ADAMTS2: variants seen among roughly 807,000 people sequenced by gnomAD.
The protein encoded by ADAMTS2 is ADAM metallopeptidase with thrombospondin type 1 motif 2.
In ADAMTS2, 50 loss-of-function variants were observed where a neutral mutation model predicts 123.0. The observed-to-expected ratio is 0.41, with a 90% CI of 0.32 to 0.51. The LOEUF (loss-of-function observed/expected upper bound fraction) is 0.51, where lower values mean the gene tolerates loss of function less well. Ranked by LOEUF, ADAMTS2 falls within the 20% of genes least tolerant of loss-of-function variation. The probability of loss-of-function intolerance (pLI) is 0.35; values close to 1 mark genes in which losing one functional copy is unlikely to be tolerated. For synonymous variants in ADAMTS2, 678 were observed against 695.4 expected (o/e 0.98, Z 0.39); for missense variants, 1,494 against 1,705.2 (o/e 0.88, Z 2.18).
chr5:179,182,412 G>C (rs1413571994), intron 4 of ADAMTS2, among the ~76,000 whole-genome samples: 1 of 152,168 alleles, frequency 6.6e-6, no homozygotes, highest in East Asian at 1.9e-4. Context: ...CACACTCCCT[G>C]CACTCCAATC....
chr5:179,222,015 G>C (rs921431074), intron 3 of ADAMTS2, among the ~76,000 whole-genome samples: 6 of 152,124 alleles, frequency 3.9e-5, no homozygotes, highest in Non-Finnish European at 8.8e-5. Flanking sequence ...CTCAGAGACA[G>C]CACCGAGAGG....
intron 3 of ADAMTS2, among the ~76,000 whole-genome samples, chr5:179,224,123 C>T (rs533873175): frequency 3.9e-5 from 6 of 152,302 alleles, no homozygotes; most frequent in East Asian, 1.9e-4. Context: ...GAGTCTACAT[C>T]GGTTTCCTTC....
At position 179,332,743 on chromosome 5, in the gene ADAMTS2, T is replaced by G. The variant is rs1561759920; in HGVS notation, c.534+11024A>C. Reference sequence around the variant, plus strand: ...GATGGGAGAGGAAGGGAGGGAGGAGTGCAGAGAGGAAGGGAGGGGAAGGAA... The same window carrying G: ...GATGGGAGAGGAAGGGAGGGAGGAGGGCAGAGAGGAAGGGAGGGGAAGGAA... On this transcript the variant is annotated intron_variant, in intron 2 of 21. Transcript: ENST00000251582. The surrounding 1 kb of genome is among the most constrained non-coding windows in gnomAD (Gnocchi z 4.2). Among the ~76,000 whole-genome samples, 49 of 136,994 alleles carry G rather than the reference T, an allele frequency of 3.6e-4. No individual in the cohort carries two copies. Among genetic ancestry groups the G allele is most frequent in the South Asian group, 7.2e-4 (3 of 4,178 alleles). The allele number at this position is 136,994 out of a possible 152,430, so 89.9% of individuals were successfully genotyped here. A position where few individuals can be genotyped will look rare whatever the true frequency, so the allele number is the denominator to read the frequency against.
At chr5:179,183,544 C>A (rs987925699) in intron 4 of ADAMTS2, among the ~76,000 whole-genome samples, 7 of 152,236 alleles carry the variant, frequency 4.6e-5, no homozygotes, top group Admixed American at 1.3e-4. Context: ...CAGGGCCCAA[C>A]TGGTGGCCCA....
At chr5:179,195,528 C>T (rs556544363) in intron 4 of ADAMTS2, among the ~76,000 whole-genome samples, 2 of 152,236 alleles carry the variant, frequency 1.3e-5, no homozygotes, top group Non-Finnish European at 2.9e-5. Flanking sequence ...CATGGAAGAG[C>T]GAGCTGGCAG....
In ADAMTS2 at chr5:179,117,892, G is replaced by A. The variant is rs1011828395; in HGVS notation, c.3179-3568C>T. ...CTATAAAGGCAGAGCTGAGTCCTGT[G>A]ACAGAGACCATGTGGGCTCCAATGC... On this transcript the variant is annotated intron_variant, in intron 21 of 21. Coordinates refer to ENST00000251582, the MANE Select transcript of ADAMTS2 (RefSeq NM_014244.5). This position sits in a 1 kb window ranked among gnomAD's most constrained non-coding sequence, Gnocchi z 4.2. 2.0e-5 allele frequency among the ~76,000 whole-genome samples: 3 copies of A among 152,178 alleles called. No homozygotes were observed. The highest frequency in any genetic ancestry group is 7.2e-5 in the African/African-American group (3 of 41,442).
chr5:179,288,929 A>C (rs1255746725), intron 2 of ADAMTS2, among the ~76,000 whole-genome samples: 1 of 152,224 alleles, frequency 6.6e-6, no homozygotes, highest in Non-Finnish European at 1.5e-5. Context: ...ACGGCACGGC[A>C]TCCATACCGC....
chr5:179,173,755 C>T (rs571205227), intron 5 of ADAMTS2, among the ~76,000 whole-genome samples: 1 of 152,166 alleles, frequency 6.6e-6, no homozygotes, highest in South Asian at 2.1e-4. Context: ...TGGCTCGCGC[C>T]CCATAACCCC....
chr5:179,238,464 G>T (rs1765583855), intron 3 of ADAMTS2, among the ~76,000 whole-genome samples: 1 of 152,154 alleles, frequency 6.6e-6, no homozygotes, highest in Non-Finnish European at 1.5e-5. Flanking sequence ...GGGCTGGAGG[G>T]CACAGGGTCT....
chr5:179,184,509 T>TAA (rs554713153), intron 4 of ADAMTS2, among the ~76,000 whole-genome samples: 26 of 91,364 alleles, frequency 2.8e-4, no homozygotes, highest in African/African-American at 6.0e-4. Context: ...AGACTCTGTC[T>TAA]AAAAAAAAAA....
chr5:179,303,940 T>C lies in ADAMTS2; in HGVS notation c.535-30876A>G, dbSNP rs1239767603. Among the ~76,000 whole-genome samples the C allele has an allele frequency of 6.6e-6, 1 of 152,170 alleles. No homozygotes were observed. Among genetic ancestry groups the C allele is most frequent in the East Asian group, 1.9e-4 (1 of 5,188 alleles). On this transcript the variant is annotated intron_variant, in intron 2 of 21. Transcript: ENST00000251582. This position sits in a 1 kb window ranked among gnomAD's most constrained non-coding sequence, Gnocchi z 4.7. ...GCAGAGACAGCAGAGCTTGGGGAAC[T>C]GGCATCAGAAAGTTGGTTAGAAACT...
chr5:179,239,744 G>C (rs1013695216), intron 3 of ADAMTS2, among the ~76,000 whole-genome samples: 5 of 152,128 alleles, frequency 3.3e-5, no homozygotes, highest in Non-Finnish European at 5.9e-5. Context: ...GTCCAGGACA[G>C]AGCCCTGGGC....
chr5:179,114,112 C>T lies in ADAMTS2; in HGVS notation c.3391G>A (p.Glu1131Lys), dbSNP rs2113161430. ...PTLPVPTVAM[E>K]VRPSPSTPLE... ...GGGGTGCTTGGTGATGGCCGCACCT[C>T]CATGGCTACAGTGGGCACTGGGAGG... is the stretch of plus-strand genomic sequence containing the variant. The change falls in exon 22 of 22, where the codon GAG (glutamate) becomes AAG (lysine). Residue 1131 changes from glutamate to lysine, a missense_variant. Transcript: ENST00000251582. 1.2e-6 allele frequency: 2 copies of T among 1,614,080 alleles called. No individual in the cohort carries two copies. Among genetic ancestry groups the T allele is most frequent in the Non-Finnish European group, 1.7e-6 (2 of 1,180,004 alleles).
intron 1 of ADAMTS2, among the ~76,000 whole-genome samples, chr5:179,344,750 C>A (rs1757891600): frequency 6.6e-6 from 1 of 152,194 alleles, no homozygotes; most frequent in African/African-American, 2.4e-5. Flanking sequence ...GGAACAGGGT[C>A]CCTCCGATCT....
chr5:179,125,851 A>T (rs1156745237), intron 18 of ADAMTS2, 147 bp downstream of exon 18: 1 of 1,250,380 alleles, frequency 8.0e-7, no homozygotes, highest in African/African-American at 1.5e-5. Flanking sequence ...GCCCTGCAGC[A>T]TCTTAGATTC....
chr5:179,319,814 C>T (rs1463839281), intron 2 of ADAMTS2, among the ~76,000 whole-genome samples: 3 of 152,128 alleles, frequency 2.0e-5, no homozygotes, highest in East Asian at 1.9e-4. Flanking sequence ...CACCAGCCCC[C>T]GCAGTCATTA....
intron 3 of ADAMTS2, among the ~76,000 whole-genome samples, chr5:179,251,197 AC>A (rs1040387993): frequency 7.9e-5 from 12 of 152,006 alleles, no homozygotes; most frequent in African/African-American, 2.7e-4. Context: ...AGTTCTTTCC[AC>A]CCATGCCCTT....
chr5:179,200,409 C>T (rs559709441), intron 4 of ADAMTS2, among the ~76,000 whole-genome samples: 4 of 151,910 alleles, frequency 2.6e-5, no homozygotes, highest in African/African-American at 9.7e-5. Context: ...CCACCACACT[C>T]GGCTTATTTT....
rs539136279 is a variant in ADAMTS2 at position 179,160,211 on chromosome 5, C to G, written c.976-1332G>C. The stretch of plus-strand genomic sequence containing the variant: ...CGGTGGCTCACACCTGTAATCCCAG[C>G]ACTTTGGGAGGCTGAGGCAGGTGGA... On this transcript the variant is annotated intron_variant, in intron 5 of 21. Transcript: ENST00000251582. 4.7e-3 allele frequency among the ~76,000 whole-genome samples: 718 copies of G among 152,318 alleles called. 3 individuals are homozygous for G. The highest frequency in any genetic ancestry group is 7.7e-3 in the Non-Finnish European group (526 of 68,034).
Sources: allele counts gnomAD v4.1 joint callset (sites outside exome capture counted in the v4.1 genomes callset), GRCh38; gene constraint gnomAD v4.1.1; non-coding constraint Gnocchi (gnomAD v3.1); transcripts MANE v1.5; gene names NCBI Gene and HGNC (gene_info 2026-07-23, HGNC 2026-07-21).